NUFIP2: variants seen among roughly 807,000 people sequenced by gnomAD.
NUFIP2 encodes nuclear FMR1 interacting protein 2.
In NUFIP2, 6 loss-of-function variants were observed where a neutral mutation model predicts 56.9. That is an observed-to-expected ratio of 0.11 (90% CI 0.06 to 0.21). The LOEUF is 0.21. NUFIP2 is among the 10% of genes least tolerant of loss of function. The pLI is 1.00. For synonymous variants in NUFIP2, 321 were observed against 298.2 expected, an observed-to-expected ratio of 1.08 and a Z score of -0.79; for missense variants, 828 against 826.8, an observed-to-expected ratio of 1.00 and a Z score of -0.02.
rs1482365414 is a variant in NUFIP2 at position 29,262,803 on chromosome 17, T to TC, written c.*1735_*1736insG. 6.6e-6 allele frequency: 1 copy of TC among 151,754 alleles called. No homozygotes were observed. Among genetic ancestry groups the TC allele is most frequent in the Non-Finnish European group, 1.5e-5 (1 of 67,906 alleles). The allele number at this position is 151,754 out of a possible 1,614,324, so 9.4% of individuals were successfully genotyped here. The stretch of plus-strand genomic sequence containing the variant: ...AAGTGGAATTGGCAATCCATGCTTA[T>TC]ACTTTTAAAATCTAAGCAGGGCAGA... On this transcript the variant is annotated 3_prime_UTR_variant, in exon 4 of 4. Transcript: ENST00000225388.
At chr17:29,279,043 A>C (rs2069125233) in intron 2 of NUFIP2, among the ~76,000 whole-genome samples, 2 of 152,222 alleles carry the variant, frequency 1.3e-5, no homozygotes. Context: ...GCAAATCTTA[A>C]AACTGTCAAA....
chr17:29,267,491 T>G lies in NUFIP2; in HGVS notation c.2035+7A>C. On this transcript the variant is annotated splice_region_variant and intron_variant, in intron 3 of 3. Coordinates refer to ENST00000225388, the MANE Select transcript of NUFIP2 (RefSeq NM_020772.3). ...AGTGACATTTTAAGTAATCTAATCATTCTTACCTTGCTTCTGCAAATTCCA... is the reference window on the plus strand; with the variant it reads ...AGTGACATTTTAAGTAATCTAATCAGTCTTACCTTGCTTCTGCAAATTCCA... The G allele has an allele frequency of 6.7e-7, 1 of 1,482,682 alleles. No homozygotes were observed. 91.8% of individuals were successfully genotyped at this position (1,482,682 alleles called of 1,614,324 possible).
intron 2 of NUFIP2, among the ~76,000 whole-genome samples, chr17:29,283,556 TAC>T (rs1175832161): frequency 1.3e-5 from 2 of 152,128 alleles, no homozygotes; most frequent in Non-Finnish European, 2.9e-5. Context: ...GTGCTGGGAT[TAC>T]AGTCATGACC....
At chr17:29,289,544 AT>A (rs2069198181) in intron 1 of NUFIP2, among the ~76,000 whole-genome samples, 1 of 152,064 alleles carries the variant, frequency 6.6e-6, no homozygotes, top group African/African-American at 2.4e-5. Flanking sequence ...GTGAGCCCAC[AT>A]TGGGCCACTG....
At chr17:29,269,137 C>T (rs2069056705) in intron 2 of NUFIP2, among the ~76,000 whole-genome samples, 1 of 152,154 alleles carries the variant, frequency 6.6e-6, no homozygotes, top group Non-Finnish European at 1.5e-5. Flanking sequence ...TTAACACAAA[C>T]TACTTAGTAA....
Position 29,286,102 on chromosome 17 carries a change from G to C in NUFIP2, c.1892C>G (p.Thr631Arg). The change falls in exon 2 of 4, where the codon ACG becomes AGG. Residue 631 changes from threonine (T) to arginine (R), a missense_variant. Coordinates refer to ENST00000225388, the MANE Select transcript of NUFIP2 (RefSeq NM_020772.3). ...IESQNPLASP[T>R]NTLLGSAKEQ... ...TTTGGCAGAGCCTAACAAAGTGTTC[G>C]TAGGAGAGGCCAGAGGATTTTGACT... is the stretch of plus-strand genomic sequence containing the variant. The C allele has an allele frequency of 6.2e-7, 1 of 1,613,908 alleles. No homozygotes were observed. Among genetic ancestry groups the C allele is most frequent in the Non-Finnish European group, 8.5e-7 (1 of 1,179,878 alleles).
At position 29,280,807 on chromosome 17, in the gene NUFIP2, G is replaced by A. The variant is rs187522551; in HGVS notation, c.2002+5185C>T. On this transcript the variant is annotated intron_variant, in intron 2 of 3. Coordinates refer to ENST00000225388, the MANE Select transcript of NUFIP2 (RefSeq NM_020772.3). ...TCAAGACCAGTCTGGCCAACATGGC[G>A]AAACCCCGTCTCTACTAAAAATACA... is the stretch of plus-strand genomic sequence containing the variant. Among the ~76,000 whole-genome samples, 221 of 152,072 alleles carry A rather than the reference G, an allele frequency of 1.5e-3. 1 individual carries two copies. Among genetic ancestry groups the A allele is most frequent in the African/African-American group, 5.1e-3 (211 of 41,482 alleles).
Position 29,287,006 on chromosome 17 carries a change from T to C in NUFIP2, c.988A>G (p.Lys330Glu). ...KGKHASAVAS[K>E]EDSWTLFKPP... The stretch of plus-strand genomic sequence containing the variant: ...TTAAATAGGGTCCACGAGTCCTCTT[T>C]GGAGGCAACAGCTGAAGCATGCTTT... Residue 330 changes from lysine (K) to glutamate (E), a missense_variant, in exon 2 of 4, where the codon AAA (lysine) becomes GAA (glutamate). Lys to Glu is a moderately conservative substitution (Grantham distance 56). Transcript: ENST00000225388. 4.3e-6 allele frequency: 7 copies of C among 1,614,218 alleles called. No individual in the cohort carries two copies. The highest frequency in any genetic ancestry group is 5.9e-6 in the Non-Finnish European group (7 of 1,180,044).
chr17:29,270,431 T>C (rs1038384351), intron 2 of NUFIP2, among the ~76,000 whole-genome samples: 1 of 152,054 alleles, frequency 6.6e-6, no homozygotes, highest in Non-Finnish European at 1.5e-5. Flanking sequence ...CGAGGAACAG[T>C]TAAATGTTCT....
At position 29,260,502 on chromosome 17, in the gene NUFIP2, A is replaced by G. The variant is rs1371518790; in HGVS notation, c.*4037T>C. On this transcript the variant is annotated 3_prime_UTR_variant, in exon 4 of 4. Transcript: ENST00000225388. ...TAGGAATGACTCCGTCCTTATTTAC[A>G]GTGGAATTAAAATTGAGTAAAGTCC... The G allele has an allele frequency of 6.6e-6, 1 of 152,216 alleles. No homozygotes were observed. The highest frequency in any genetic ancestry group is 1.5e-5 in the Non-Finnish European group (1 of 68,038). The allele number at this position is 152,216 out of a possible 1,614,324, so 9.4% of individuals were successfully genotyped here. A position where few individuals can be genotyped will look rare whatever the true frequency, so the allele number is the denominator to read the frequency against.
intron 3 of NUFIP2, 93 bp from the exon 4 acceptor site, chr17:29,264,684 G>T: frequency 2.6e-6 from 2 of 766,924 alleles, no homozygotes; most frequent in South Asian, 3.0e-5. Context: ...CATTTAAACT[G>T]ACCAATTTTT....
chr17:29,264,375 C>CTATATA lies in NUFIP2; in HGVS notation c.*158_*163dup, dbSNP rs373146104. The CTATATA allele has an allele frequency of 4.3e-5, 9 of 208,208 alleles. No homozygotes were observed. The highest frequency in any genetic ancestry group is 1.9e-4 in the African/African-American group (8 of 41,292). The allele number at this position is 208,208 out of a possible 1,614,324, so 12.9% of individuals were successfully genotyped here. On this transcript the variant is annotated 3_prime_UTR_variant, in exon 4 of 4. Transcript: ENST00000225388. Reference sequence around the variant, plus strand: ...ACTTTCAGTTGCCTTTTTTAAATAACTATATATATATATATGTATATATAT... The same window carrying CTATATA: ...ACTTTCAGTTGCCTTTTTTAAATAACTATATATATATATATATATATGTATATATAT...
Position 29,256,979 on chromosome 17 carries a change from C to G in NUFIP2, c.*7560G>C, listed in dbSNP as rs1200755604. The G allele has an allele frequency of 6.6e-6, 1 of 152,168 alleles. No homozygotes were observed. The highest frequency in any genetic ancestry group is 1.5e-5 in the Non-Finnish European group (1 of 68,024). 9.4% of individuals were successfully genotyped at this position (152,168 alleles called of 1,614,324 possible). ...AAAGCCTATCCTACCTTTAAACCAG[C>G]TTTAAGACAAAAAATCGTCACCAAG... On this transcript the variant is annotated 3_prime_UTR_variant, in exon 4 of 4. Transcript: ENST00000225388.
At position 29,287,612 on chromosome 17, in the gene NUFIP2, G is replaced by C; in HGVS notation, c.382C>G (p.Gln128Glu). Residue 128 changes from glutamine to glutamate, a missense_variant, in exon 2 of 4, where the codon CAG (glutamine) becomes GAG (glutamate). Physicochemically the swap from Gln to Glu is conservative, Grantham distance 29. Around this residue, in one of 3 missense-constraint regions of NUFIP2, gnomAD observed 415 missense variants for 408.7 expected, o/e 1.02. Coordinates refer to ENST00000225388, the MANE Select transcript of NUFIP2 (RefSeq NM_020772.3). ...NPISRVLNGNQQVVDTSLKQT... is the reference protein window; with the variant it reads ...NPISRVLNGNEQVVDTSLKQT... ...TTCAGGCTAGTGTCTACAACTTGCTGGTTGCCATTGAGGACCCTGGAAATA... is the reference window on the plus strand; with the variant it reads ...TTCAGGCTAGTGTCTACAACTTGCTCGTTGCCATTGAGGACCCTGGAAATA... 6.2e-7 allele frequency: 1 copy of C among 1,614,014 alleles called. No homozygotes were observed. The highest frequency in any genetic ancestry group is 8.5e-7 in the Non-Finnish European group (1 of 1,180,016).
chr17:29,293,271 G>C (rs2069229692), intron 1 of NUFIP2, among the ~76,000 whole-genome samples: 1 of 151,348 alleles, frequency 6.6e-6, no homozygotes, highest in Non-Finnish European at 1.5e-5. Context: ...AAGGCCACAG[G>C]TGGGCTTGGG....
At position 29,286,377 on chromosome 17, in the gene NUFIP2, T is replaced by G. The variant is rs768614992; in HGVS notation, c.1617A>C (p.Glu539Asp). The change falls in exon 2 of 4, where the codon GAA (glutamate) becomes GAC (aspartate). Residue 539 changes from glutamate to aspartate, a missense_variant. This residue lies in a region of NUFIP2 where 404 missense variants were observed against 380.3 expected (regional missense o/e 1.06). Transcript: ENST00000225388. Reference sequence around the variant, plus strand: ...CCTGTGAAACCAAAGTAGCAGGATATTCTCCTTGAAATGTCACCTCCATCA... The same window carrying G: ...CCTGTGAAACCAAAGTAGCAGGATAGTCTCCTTGAAATGTCACCTCCATCA... ...HKVMEVTFQG[E>D]YPATLVSQGA... The G allele has an allele frequency of 6.2e-7, 1 of 1,614,142 alleles. No homozygotes were observed. Among genetic ancestry groups the G allele is most frequent in the Non-Finnish European group, 8.5e-7 (1 of 1,179,998 alleles).
chr17:29,263,257 G>A lies in NUFIP2; in HGVS notation c.*1282C>T, dbSNP rs1233259757. 1.3e-5 allele frequency: 2 copies of A among 152,496 alleles called. No homozygotes were observed. The highest frequency in any genetic ancestry group is 2.9e-5 in the Non-Finnish European group (2 of 68,004). 9.4% of individuals were successfully genotyped at this position (152,496 alleles called of 1,614,324 possible). A position where few individuals can be genotyped will look rare whatever the true frequency, so the allele number is the denominator to read the frequency against. On this transcript the variant is annotated 3_prime_UTR_variant, in exon 4 of 4. Transcript: ENST00000225388. ...ACACAAGCTGCAGTGCAACAGGATG[G>A]CAATGTAATGATAAGACAGGGCTAA...
At chr17:29,265,632 TTA>T (rs1256780894) in intron 3 of NUFIP2, among the ~76,000 whole-genome samples, 1 of 146,702 alleles carries the variant, frequency 6.8e-6, no homozygotes, top group Non-Finnish European at 1.5e-5. Context: ...TATTATTTTA[TTA>T]TATATATTAT....
rs1350664023 is a variant in NUFIP2 at position 29,264,523 on chromosome 17, T to G, written c.*16A>C. ...TCTAATGCTGCAGAAAGGTTACGAA[T>G]AGGCAGTCTGGTCCTTCATTGATCT... On this transcript the variant is annotated 3_prime_UTR_variant, in exon 4 of 4. Transcript: ENST00000225388. 6.3e-7 allele frequency: 1 copy of G among 1,591,114 alleles called. No homozygotes were observed. The highest frequency in any genetic ancestry group is 8.6e-7 in the Non-Finnish European group (1 of 1,159,650).
Sources: allele counts gnomAD v4.1 joint callset (sites outside exome capture counted in the v4.1 genomes callset), GRCh38; gene constraint gnomAD v4.1.1; regional missense constraint gnomAD v4.1.1; transcripts MANE v1.5; gene names NCBI Gene and HGNC (gene_info 2026-07-23, HGNC 2026-07-21).